The following STXBP6 variants were observed in gnomAD, a reference collection of about 807,000 sequenced individuals.
The protein encoded by STXBP6 is syntaxin-binding protein 6.
STXBP6 carries 21 observed loss-of-function variants against 26.9 expected under a neutral mutation model. The ratio of observed to expected loss-of-function variants is 0.78; its 90% CI spans 0.55 to 1.12. The LOEUF is 1.12. STXBP6 is among the 50% of genes most tolerant of loss of function. The pLI, the probability that STXBP6 is intolerant of heterozygous loss-of-function variation, is 0.00. For missense variants in STXBP6, 232 were observed against 257.9 expected, an observed-to-expected ratio of 0.90 and a Z score of 0.69; for synonymous variants, 97 against 92.6, an observed-to-expected ratio of 1.05 and a Z score of -0.27.
At chr14:24,913,148 T>G (rs574691704) in intron 2 of STXBP6, among the ~76,000 whole-genome samples, 44 of 152,236 alleles carry the variant, frequency 2.9e-4, no homozygotes, top group African/African-American at 9.6e-4. Context: ...AAACCTCCAC[T>G]GAGGGGATTC....
chr14:24,941,881 C>G (rs1184489814), intron 2 of STXBP6, among the ~76,000 whole-genome samples: 3 of 152,222 alleles, frequency 2.0e-5, no homozygotes, highest in Admixed American at 1.3e-4. Context: ...TTTCTGAGAG[C>G]CTGTGAGTAG....
intron 4 of STXBP6, among the ~76,000 whole-genome samples, chr14:24,828,828 A>AAT (rs150828438): frequency 6.6e-6 from 1 of 152,358 alleles, no homozygotes; most frequent in African/African-American, 2.4e-5. Flanking sequence ...CAATAATGCT[A>AAT]ATATACAAGA....
At chr14:24,872,216 C>A (rs2069962283) in intron 2 of STXBP6, among the ~76,000 whole-genome samples, 1 of 152,092 alleles carries the variant, frequency 6.6e-6, no homozygotes, top group South Asian at 2.1e-4. Flanking sequence ...CCAAATGGGT[C>A]TCAGAAGATA....
intron 4 of STXBP6, among the ~76,000 whole-genome samples, chr14:24,844,840 A>G (rs1433709391): frequency 2.0e-5 from 3 of 152,172 alleles, no homozygotes; most frequent in Admixed American, 2.0e-4. Flanking sequence ...CTTGACCTTG[A>G]CATCTTTTAT....
intron 2 of STXBP6, among the ~76,000 whole-genome samples, chr14:24,919,443 A>T (rs1333817076): frequency 6.6e-6 from 1 of 152,010 alleles, no homozygotes; most frequent in Non-Finnish European, 1.5e-5. Flanking sequence ...CGAAAAATAA[A>T]AAAAAAACAA....
chr14:25,015,319 G>A (rs1246430466), intron 1 of STXBP6, among the ~76,000 whole-genome samples: 1 of 152,052 alleles, frequency 6.6e-6, no homozygotes, highest in Non-Finnish European at 1.5e-5. Flanking sequence ...GAGATATCTG[G>A]GACCTAATGA....
chr14:24,827,919 T>G (rs897181111), intron 4 of STXBP6, among the ~76,000 whole-genome samples: 1 of 152,140 alleles, frequency 6.6e-6, no homozygotes, highest in African/African-American at 2.4e-5. Flanking sequence ...TTTCTTACTA[T>G]GTAGAACATA....
At chr14:24,932,348 A>C (rs1357799396) in intron 2 of STXBP6, among the ~76,000 whole-genome samples, 3 of 152,188 alleles carry the variant, frequency 2.0e-5, no homozygotes, top group Admixed American at 1.3e-4. Context: ...TAAAGTTTTT[A>C]AATCTGTCTT....
chr14:24,976,171 C>T (rs150213718), intron 1 of STXBP6, among the ~76,000 whole-genome samples: 195 of 152,326 alleles, frequency 1.3e-3, no homozygotes, highest in Middle Eastern at 3.4e-3. Flanking sequence ...CTGCTAACTA[C>T]ATCAGAGGTT....
At position 24,947,615 on chromosome 14, in the gene STXBP6, A is replaced by C. The variant is rs536411989; in HGVS notation, c.154+27050T>G. Among the ~76,000 whole-genome samples the C allele has an allele frequency of 5.3e-5, 8 of 152,336 alleles. No individual in the cohort carries two copies. The South Asian group carries it at 1.2e-3, about 24-fold the overall frequency. On this transcript the variant is annotated intron_variant, in intron 2 of 5. Transcript: ENST00000323944. The stretch of plus-strand genomic sequence containing the variant: ...ACACAACTTCTATGCTTAGACACTA[A>C]GCGTTCTTCACACATGGGGAAAACT...
chr14:25,018,896 G>A (rs554729915), intron 1 of STXBP6, among the ~76,000 whole-genome samples: 2 of 152,138 alleles, frequency 1.3e-5, no homozygotes, highest in African/African-American at 4.8e-5. Flanking sequence ...ATTATTCTTG[G>A]CAGTTTACAA....
chr14:24,884,581 C>T (rs2070497846), intron 2 of STXBP6, among the ~76,000 whole-genome samples: 3 of 152,164 alleles, frequency 2.0e-5, no homozygotes, highest in Admixed American at 6.5e-5. Context: ...GCAAGATGGG[C>T]GGCATGCGCT....
At chr14:24,854,118 T>A (rs1474916204) in intron 4 of STXBP6, among the ~76,000 whole-genome samples, 1 of 152,106 alleles carries the variant, frequency 6.6e-6, no homozygotes, top group Non-Finnish European at 1.5e-5. Flanking sequence ...AGAAAAAGCC[T>A]GTTCCTAGAG....
chr14:24,954,596 C>A (rs1020293944), intron 2 of STXBP6, among the ~76,000 whole-genome samples: 2 of 152,128 alleles, frequency 1.3e-5, no homozygotes, highest in African/African-American at 4.8e-5. Context: ...GCCTTTAGTG[C>A]GACCACAGAT....
intron 2 of STXBP6, among the ~76,000 whole-genome samples, chr14:24,862,183 T>C (rs2069564697): frequency 6.6e-6 from 1 of 152,036 alleles, no homozygotes; most frequent in African/African-American, 2.4e-5. Flanking sequence ...ATTTTTTTTG[T>C]AGAGATGGGG....
intron 2 of STXBP6, among the ~76,000 whole-genome samples, chr14:24,868,445 G>C (rs962820031): frequency 1.3e-5 from 2 of 152,126 alleles, no homozygotes; most frequent in African/African-American, 4.8e-5. Flanking sequence ...AGGATACCAA[G>C]TGTTGGCTTG....
intron 1 of STXBP6, among the ~76,000 whole-genome samples, chr14:25,020,082 T>G (rs377311484): frequency 5.9e-5 from 9 of 152,238 alleles, no homozygotes; most frequent in African/African-American, 2.2e-4. Context: ...CAACACAGCT[T>G]CCTACTTACT....
intron 2 of STXBP6, among the ~76,000 whole-genome samples, chr14:24,951,386 T>TCC (rs1467392902): frequency 1.4e-5 from 2 of 146,710 alleles, no homozygotes; most frequent in African/African-American, 5.2e-5. Flanking sequence ...TTTCTCCACA[T>TCC]CCTCTCCGGA....
chr14:24,859,269 C>T (rs1044767972), intron 2 of STXBP6, among the ~76,000 whole-genome samples: 4 of 152,150 alleles, frequency 2.6e-5, no homozygotes, highest in East Asian at 1.9e-4. Context: ...CTTTCCTCCC[C>T]TATTAGTTTA....
Sources: allele counts gnomAD v4.1 joint callset (sites outside exome capture counted in the v4.1 genomes callset), GRCh38; gene constraint gnomAD v4.1.1; transcripts MANE v1.5; gene names NCBI Gene and HGNC (gene_info 2026-07-23, HGNC 2026-07-21).